ST8SIA3: variants seen among roughly 807,000 people sequenced by gnomAD.
The protein encoded by ST8SIA3 is ST8 alpha-N-acetyl-neuraminide alpha-2,8-sialyltransferase 3.
A neutral mutation model predicts 34.5 loss-of-function variants in ST8SIA3; 17 were observed. The ratio of observed to expected loss-of-function variants is 0.49; its 90% CI spans 0.34 to 0.74. ST8SIA3 has a LOEUF of 0.74. Ranked by LOEUF, ST8SIA3 falls within the 30% of genes least tolerant of loss-of-function variation. The probability of loss-of-function intolerance (pLI) is 0.01; values close to 1 mark genes in which losing one functional copy is unlikely to be tolerated. For synonymous variants in ST8SIA3, 172 were observed against 176.1 expected, an observed-to-expected ratio of 0.98 and a Z score of 0.19; for missense variants, 354 against 467.8, an observed-to-expected ratio of 0.76 and a Z score of 2.24.
chr18:57,352,793 T>G lies in ST8SIA3; in HGVS notation c.-54T>G. 6.9e-7 allele frequency: 1 copy of G among 1,443,630 alleles called. No individual in the cohort carries two copies. Among genetic ancestry groups the G allele is most frequent in the Non-Finnish European group, 9.7e-7 (1 of 1,033,116 alleles). 89.4% of individuals were successfully genotyped at this position (1,443,630 alleles called of 1,614,324 possible). Reference sequence around the variant, plus strand: ...ACATATATACACGCCAGCGAGCTGCTGGCCGCTCAATGGACCGATTTCCCC... The same window carrying G: ...ACATATATACACGCCAGCGAGCTGCGGGCCGCTCAATGGACCGATTTCCCC... On this transcript the variant is annotated 5_prime_UTR_variant, in exon 1 of 4. Coordinates refer to ENST00000324000, the MANE Select transcript of ST8SIA3 (RefSeq NM_015879.3).
At chr18:57,358,791 G>C (rs2049812871) in intron 3 of ST8SIA3, among the ~76,000 whole-genome samples, 1 of 152,182 alleles carries the variant, frequency 6.6e-6, no homozygotes, top group Non-Finnish European at 1.5e-5. Flanking sequence ...CAAGACTAGA[G>C]TTAGAAGTCA....
intron 2 of ST8SIA3, among the ~76,000 whole-genome samples, chr18:57,354,922 C>T (rs2049790308): frequency 6.6e-6 from 1 of 151,522 alleles, no homozygotes; most frequent in Non-Finnish European, 1.5e-5. Flanking sequence ...CATTTCCTCA[C>T]TGAAAAAAAC....
In ST8SIA3 at chr18:57,357,478, T is replaced by C. The variant is rs763427616; in HGVS notation, c.860+8T>C. Reference sequence around the variant, plus strand: ...AATGCAACATGTCAACAGGTGTGTATATTTTATTACATTTTACTCATACTC... The same window carrying C: ...AATGCAACATGTCAACAGGTGTGTACATTTTATTACATTTTACTCATACTC... On this transcript the variant is annotated splice_region_variant and intron_variant, in intron 3 of 3. Transcript: ENST00000324000. 86 of 1,601,354 alleles carry C rather than the reference T, an allele frequency of 5.4e-5. No individual in the cohort carries two copies. The highest frequency in any genetic ancestry group is 7.2e-5 in the Non-Finnish European group (85 of 1,173,904).
chr18:57,363,462 T>C lies in ST8SIA3; in HGVS notation c.*3185T>C, dbSNP rs12456939. 1,314 of 152,444 alleles carry C rather than the reference T, an allele frequency of 8.6e-3. 46 individuals carry two copies. Among genetic ancestry groups the C allele is most frequent in the East Asian group, 0.084 (434 of 5,182 alleles). The allele number at this position is 152,444 out of a possible 1,614,324, so 9.4% of individuals were successfully genotyped here. ...TGTATGTTTAGTAGTGTTGTGTGCC[T>C]GGCAGTGCTGACTATGACTACTGTG... On this transcript the variant is annotated 3_prime_UTR_variant, in exon 4 of 4. Transcript: ENST00000324000.
At position 57,365,088 on chromosome 18, in the gene ST8SIA3, A is replaced by G. The variant is rs143026423; in HGVS notation, c.*4811A>G. ...CAAACACAGCTGTATGAAATAAGCA[A>G]CTCTTCAAAATACAATTCTTGCCAC... On this transcript the variant is annotated 3_prime_UTR_variant, in exon 4 of 4. Transcript: ENST00000324000. The G allele has an allele frequency of 5.0e-4, 76 of 152,222 alleles. No homozygotes were observed. The highest frequency in any genetic ancestry group is 1.8e-3 in the African/African-American group (75 of 41,532). The allele number at this position is 152,222 out of a possible 1,614,324, so 9.4% of individuals were successfully genotyped here.
Position 57,357,079 on chromosome 18 carries a change from A to G in ST8SIA3, c.469A>G (p.Lys157Glu). ...LLPDVSPIMN[K>E]HYNICAVVGN... ...TCCAGATGTGTCACCCATTATGAAC[A>G]AGCATTATAATATTTGTGCTGTGGT... The change falls in exon 3 of 4, where the codon AAG becomes GAG. Residue 157 changes from lysine (K) to glutamate (E), a missense_variant. By Grantham distance (56) the Lys-to-Glu change is moderately conservative. Coordinates refer to ENST00000324000, the MANE Select transcript of ST8SIA3 (RefSeq NM_015879.3). 6.2e-7 allele frequency: 1 copy of G among 1,614,112 alleles called. No individual in the cohort carries two copies. Among genetic ancestry groups the G allele is most frequent in the Non-Finnish European group, 8.5e-7 (1 of 1,179,982 alleles).
chr18:57,353,209 A>G (rs1402150029), intron 1 of ST8SIA3, among the ~76,000 whole-genome samples, 184 bp downstream of exon 1: 1 of 151,662 alleles, frequency 6.6e-6, no homozygotes, highest in Non-Finnish European at 1.5e-5. Flanking sequence ...TTTTTAACCC[A>G]AAGCCCCTAG....
chr18:57,367,375 G>A lies in ST8SIA3; in HGVS notation c.*7098G>A, dbSNP rs1162250063. The A allele has an allele frequency of 6.6e-6, 1 of 152,556 alleles. No individual in the cohort carries two copies. Among genetic ancestry groups the A allele is most frequent in the Non-Finnish European group, 1.5e-5 (1 of 68,034 alleles). 9.5% of individuals were successfully genotyped at this position (152,556 alleles called of 1,614,324 possible). A position where few individuals can be genotyped will look rare whatever the true frequency, so the allele number is the denominator to read the frequency against. Reference sequence around the variant, plus strand: ...CTACATTTTATTTTAAATGAGTCAGGTGCATGTTCAGATGTCTGTATTCCC... The same window carrying A: ...CTACATTTTATTTTAAATGAGTCAGATGCATGTTCAGATGTCTGTATTCCC... On this transcript the variant is annotated 3_prime_UTR_variant, in exon 4 of 4. Coordinates refer to ENST00000324000, the MANE Select transcript of ST8SIA3 (RefSeq NM_015879.3).
chr18:57,362,653 G>T lies in ST8SIA3; in HGVS notation c.*2376G>T, dbSNP rs749264939. ...CCACCGTGTTATCTATCACTTTAAT[G>T]AAAACTCAAAATAGTGAGGAAATGG... On this transcript the variant is annotated 3_prime_UTR_variant, in exon 4 of 4. Coordinates refer to ENST00000324000, the MANE Select transcript of ST8SIA3 (RefSeq NM_015879.3). The T allele has an allele frequency of 6.6e-5, 10 of 152,222 alleles. No individual in the cohort carries two copies. Among genetic ancestry groups the T allele is most frequent in the Admixed American group, 1.3e-4 (2 of 15,282 alleles). 9.4% of individuals were successfully genotyped at this position (152,222 alleles called of 1,614,324 possible).
In ST8SIA3 at chr18:57,357,473, G is replaced by T; in HGVS notation, c.860+3G>T. Reference sequence around the variant, plus strand: ...AATATAATGCAACATGTCAACAGGTGTGTATATTTTATTACATTTTACTCA... The same window carrying T: ...AATATAATGCAACATGTCAACAGGTTTGTATATTTTATTACATTTTACTCA... On this transcript the variant is annotated splice_donor_region_variant and intron_variant, in intron 3 of 3. Transcript: ENST00000324000. The T allele has an allele frequency of 1.9e-6, 3 of 1,605,158 alleles. No individual in the cohort carries two copies. The highest frequency in any genetic ancestry group is 2.6e-6 in the Non-Finnish European group (3 of 1,176,040).
Position 57,352,730 on chromosome 18 carries a change from G to A in ST8SIA3, c.-117G>A, listed in dbSNP as rs867436182. 1 of 179,724 alleles carries A rather than the reference G, an allele frequency of 5.6e-6. No homozygotes were observed. The highest frequency in any genetic ancestry group is 1.0e-5 in the Non-Finnish European group (1 of 97,050). The allele number at this position is 179,724 out of a possible 1,614,324, so 11.1% of individuals were successfully genotyped here. On this transcript the variant is annotated 5_prime_UTR_variant, in exon 1 of 4. Coordinates refer to ENST00000324000, the MANE Select transcript of ST8SIA3 (RefSeq NM_015879.3). ...CCCCTCCTCCGCCACACGCGCGCGC[G>A]CTCACACACACACACACACACACAC...
Position 57,354,347 on chromosome 18 carries a change from T to A in ST8SIA3, c.180-55T>A, listed in dbSNP as rs529849678. 194 of 1,608,584 alleles carry A rather than the reference T, an allele frequency of 1.2e-4. 2 individuals are homozygous for A. In the South Asian group the frequency reaches 1.6e-3, roughly 14 times the overall value. On this transcript the variant is annotated intron_variant, in intron 1 of 3. Transcript: ENST00000324000. ...CAGCCGCTGCACTTTAATGGCTACCTCGGCTTCCCCGAGCTGAGGCCAGCA... is the reference window on the plus strand; with the variant it reads ...CAGCCGCTGCACTTTAATGGCTACCACGGCTTCCCCGAGCTGAGGCCAGCA...
In ST8SIA3 at chr18:57,360,288, C is replaced by T. The variant is rs369252794; in HGVS notation, c.*11C>T. The T allele has an allele frequency of 1.7e-5, 27 of 1,608,304 alleles. No individual in the cohort carries two copies. The highest frequency in any genetic ancestry group is 1.7e-4 in the Middle Eastern group (1 of 6,036). ...TCACACTGTGCCTAAGAACTCCAAA[C>T]GGAAAGCGCCAAATGGCTGTTTAAA... On this transcript the variant is annotated 3_prime_UTR_variant, in exon 4 of 4. Transcript: ENST00000324000.
In ST8SIA3 at chr18:57,364,538, A is replaced by C. The variant is rs528823430; in HGVS notation, c.*4261A>C. Reference sequence around the variant, plus strand: ...TTTCCCATAATTGTTTGAATGCACTAGGCACAAGTTTCTGTTTAAGCCTCT... The same window carrying C: ...TTTCCCATAATTGTTTGAATGCACTCGGCACAAGTTTCTGTTTAAGCCTCT... On this transcript the variant is annotated 3_prime_UTR_variant, in exon 4 of 4. Transcript: ENST00000324000. 6.6e-6 allele frequency: 1 copy of C among 152,336 alleles called. No homozygotes were observed. Among genetic ancestry groups the C allele is most frequent in the Admixed American group, 6.5e-5 (1 of 15,300 alleles). The allele number at this position is 152,336 out of a possible 1,614,324, so 9.4% of individuals were successfully genotyped here.
chr18:57,358,461 C>A (rs2144204264), intron 3 of ST8SIA3, among the ~76,000 whole-genome samples: 1 of 152,212 alleles, frequency 6.6e-6, no homozygotes, highest in Admixed American at 6.5e-5. Flanking sequence ...CATCCCGTAG[C>A]CTCTTAAGAT....
rs1274490948 is a variant in ST8SIA3, at chr18:57,354,459, C to T, written c.237C>T (p.Leu79=). Residue 79 remains leucine, a synonymous_variant, in exon 2 of 4, where the codon CTC becomes CTT. Coordinates refer to ENST00000324000, the MANE Select transcript of ST8SIA3 (RefSeq NM_015879.3). ...CATTCGTGCCCATTACGAATTCTCT[C>T]ACCCAGGAACTCCAAGAGAAACCTT... ...DPSFVPITNS[L]TQELQEKPSK... The T allele has an allele frequency of 1.2e-6, 2 of 1,614,050 alleles. No homozygotes were observed. The highest frequency in any genetic ancestry group is 2.7e-5 in the African/African-American group (2 of 74,936).
At chr18:57,355,256 C>CTAAGGAGT (rs2049792594) in intron 2 of ST8SIA3, among the ~76,000 whole-genome samples, 1 of 152,114 alleles carries the variant, frequency 6.6e-6, no homozygotes, top group Non-Finnish European at 1.5e-5. Flanking sequence ...TCTTAGCAAA[C>CTAAGGAGT]CACGATAACT....
chr18:57,355,936 A>G (rs2049795620), intron 2 of ST8SIA3, among the ~76,000 whole-genome samples: 1 of 152,212 alleles, frequency 6.6e-6, no homozygotes, highest in Non-Finnish European at 1.5e-5. Flanking sequence ...TTGAAGAATG[A>G]AGTCATTTTT....
At chr18:57,356,523 A>T (rs960944888) in intron 2 of ST8SIA3, among the ~76,000 whole-genome samples, 7 of 152,218 alleles carry the variant, frequency 4.6e-5, no homozygotes, top group African/African-American at 1.7e-4. Context: ...GTTACAAACT[A>T]TGTGTTACTA....
Sources: allele counts gnomAD v4.1 joint callset (sites outside exome capture counted in the v4.1 genomes callset), GRCh38; gene constraint gnomAD v4.1.1; transcripts MANE v1.5; gene names NCBI Gene and HGNC (gene_info 2026-07-23, HGNC 2026-07-21).